CNTROB: variants seen among roughly 807,000 people sequenced by gnomAD.
CNTROB encodes the protein centrobin, centriole duplication and spindle assembly protein.
Under a neutral mutation model 115.7 loss-of-function variants are expected in CNTROB, and 82 were observed. The ratio of observed to expected loss-of-function variants is 0.71; its 90% confidence interval spans 0.59 to 0.85. CNTROB has a LOEUF of 0.85. CNTROB is among the 40% of genes least tolerant of loss of function. CNTROB has a pLI of 0.00. For missense variants in CNTROB, 1,014 were observed against 1,144.4 expected (o/e 0.89, Z 1.64); for synonymous variants, 439 against 456.4 (o/e 0.96, Z 0.49).
In CNTROB at chr17:7,942,335, G is replaced by C. The variant is rs758062637; in HGVS notation, c.1312-1056G>C. On this transcript the variant is annotated intron_variant, in intron 9 of 18. Coordinates refer to ENST00000563694, the MANE Select transcript of CNTROB (RefSeq NM_053051.5). Reference sequence around the variant, plus strand: ...TGAGTTCTTTGGGCCATGCGCGGTGGCTCACACCTGTAATCTCTTTGGGAG... The same window carrying C: ...TGAGTTCTTTGGGCCATGCGCGGTGCCTCACACCTGTAATCTCTTTGGGAG... 5.9e-5 allele frequency among the ~76,000 whole-genome samples: 9 copies of C among 152,092 alleles called. No individual in the cohort carries two copies. In the South Asian group the frequency reaches 1.0e-3, roughly 18 times the overall value.
In CNTROB at chr17:7,939,690, C is replaced by T. The variant is rs1296838718; in HGVS notation, c.1105C>T (p.Leu369Phe). Residue 369 changes from leucine (L) to phenylalanine (F), a missense_variant, in exon 8 of 19, where the codon CTT becomes TTT. Leu to Phe is a conservative substitution (Grantham distance 22, BLOSUM62 0). Coordinates refer to ENST00000563694, the MANE Select transcript of CNTROB (RefSeq NM_053051.5). This position sits in a 1 kb window ranked among gnomAD's most constrained non-coding sequence, Gnocchi z 4.4. The stretch of plus-strand genomic sequence containing the variant: ...GACCTGGGCCCAGCAAGAGCACCAG[C>T]TTAAGGAACACTACCAGGCGCTGCA... ...RQTWAQQEHQ[L>F]KEHYQALQEE... is the part of the protein sequence containing the mutation. 1.2e-6 allele frequency: 2 copies of T among 1,614,048 alleles called. No homozygotes were observed. Among genetic ancestry groups the T allele is most frequent in the Non-Finnish European group, 1.7e-6 (2 of 1,180,022 alleles).
rs115907527 is a variant in CNTROB, at chr17:7,946,536, C to T, written c.1993+550C>T. On this transcript the variant is annotated intron_variant, in intron 13 of 18. Coordinates refer to ENST00000563694, the MANE Select transcript of CNTROB (RefSeq NM_053051.5). ...TGTGATTTGAGTGGATGGGGGCATT[C>T]TGTGTGGTACAAACATGACAACCTA... is the stretch of plus-strand genomic sequence containing the variant. Among the ~76,000 whole-genome samples the T allele has an allele frequency of 4.2e-3, 644 of 152,246 alleles. 5 individuals are homozygous for T. Among genetic ancestry groups the T allele is most frequent in the African/African-American group, 0.015 (621 of 41,542 alleles).
rs758096795 is a variant in CNTROB at position 7,935,055 on chromosome 17, C to G, written c.504C>G (p.Arg168=). 112 of 1,614,112 alleles carry G rather than the reference C, an allele frequency of 6.9e-5. No homozygotes were observed. The highest frequency in any genetic ancestry group is 9.1e-5 in the Non-Finnish European group (107 of 1,180,054). ...SAQALEELFP[R]YTSLRPGPPL... ...AAGCCCTGGAGGAGCTGTTTCCCCG[C>G]TACACCAGCCTTCGGCCAGGGCCTC... Residue 168 remains arginine, a synonymous_variant, in exon 4 of 19, where the codon CGC becomes CGG. Coordinates refer to ENST00000563694, the MANE Select transcript of CNTROB (RefSeq NM_053051.5).
At chr17:7,938,001 G>GTTTTT (rs368082295) in intron 7 of CNTROB, among the ~76,000 whole-genome samples, 2,560 of 104,202 alleles carry the variant, frequency 0.025, 257 homozygotes, top group African/African-American at 0.084. Flanking sequence ...TTCTTTTCGT[G>GTTTTT]TTTTTTTTTT....
In CNTROB at chr17:7,943,666, GTC is replaced by G; in HGVS notation, c.1445+149_1445+150del. On this transcript the variant is annotated intron_variant, in intron 10 of 18. Coordinates refer to ENST00000563694, the MANE Select transcript of CNTROB (RefSeq NM_053051.5). This position sits in a 1 kb window ranked among gnomAD's most constrained non-coding sequence, Gnocchi z 4.7. ...CTAACTCCCATCAGCTGGGACCTGA[GTC>G]TCTCTCGGGAGGGCTGCCTTCACGC... The G allele has an allele frequency of 1.1e-6, 1 of 883,638 alleles. No individual in the cohort carries two copies. The highest frequency in any genetic ancestry group is 1.7e-6 in the Non-Finnish European group (1 of 604,070). The allele number at this position is 883,638 out of a possible 1,614,324, so 54.7% of individuals were successfully genotyped here.
Position 7,939,773 on chromosome 17 carries a change from T to C in CNTROB, c.1164+24T>C, listed in dbSNP as rs996292603. 1 of 1,605,354 alleles carries C rather than the reference T, an allele frequency of 6.2e-7. No homozygotes were observed. On this transcript the variant is annotated intron_variant, in intron 8 of 18. Transcript: ENST00000563694. This position sits in a 1 kb window ranked among gnomAD's most constrained non-coding sequence, Gnocchi z 4.4. ...AGGTAAAAGTGGCAGTTGGAAGAGCTGAGGAACTAGGGAGTAGATGAAGGG... is the reference window on the plus strand; with the variant it reads ...AGGTAAAAGTGGCAGTTGGAAGAGCCGAGGAACTAGGGAGTAGATGAAGGG...
intron 13 of CNTROB, among the ~76,000 whole-genome samples, chr17:7,946,869 T>C (rs1430522132): frequency 1.4e-5 from 2 of 145,124 alleles, no homozygotes; most frequent in African/African-American, 5.1e-5. Flanking sequence ...CTCTGTCTCT[T>C]AAAAAAAAAA....
Position 7,935,117 on chromosome 17 carries a change from C to T in CNTROB, c.566C>T (p.Ala189Val), listed in dbSNP as rs1450021540. 2.8e-5 allele frequency: 45 copies of T among 1,613,898 alleles called. No individual in the cohort carries two copies. The highest frequency in any genetic ancestry group is 3.8e-5 in the Non-Finnish European group (45 of 1,180,008). The change falls in exon 4 of 19, where the codon GCA becomes GTA. Residue 189 changes from alanine to valine, a missense_variant. Coordinates refer to ENST00000563694, the MANE Select transcript of CNTROB (RefSeq NM_053051.5). ...CCAGATTTTCAGGGGCTGAGAGATG[C>T]ATTGGATTCAGAGCATACCCGCCGC... ...NPPDFQGLRD[A>V]LDSEHTRRKH...
chr17:7,941,775 A>G (rs1326239552), intron 9 of CNTROB, among the ~76,000 whole-genome samples: 1 of 150,378 alleles, frequency 6.6e-6, no homozygotes, highest in Non-Finnish European at 1.5e-5. Context: ...ACCTGGGCGC[A>G]ATATGGCAGT....
chr17:7,934,986 C>A lies in CNTROB; in HGVS notation c.438-3C>A. Reference sequence around the variant, plus strand: ...CCTAACATTCTCTACCTGATTTGCTCAGCACCCGGCCCCTGCAAGACTTGT... The same window carrying A: ...CCTAACATTCTCTACCTGATTTGCTAAGCACCCGGCCCCTGCAAGACTTGT... On this transcript the variant is annotated splice_polypyrimidine_tract_variant and splice_region_variant and intron_variant, in intron 3 of 18. Coordinates refer to ENST00000563694, the MANE Select transcript of CNTROB (RefSeq NM_053051.5). 1.3e-6 allele frequency: 2 copies of A among 1,576,826 alleles called. No individual in the cohort carries two copies. Among genetic ancestry groups the A allele is most frequent in the Admixed American group, 1.9e-5 (1 of 53,348 alleles).
At position 7,949,164 on chromosome 17, in the gene CNTROB, G is replaced by A. The variant is rs924514345; in HGVS notation, c.2586+7G>A. 2.5e-6 allele frequency: 4 copies of A among 1,613,804 alleles called. No homozygotes were observed. The highest frequency in any genetic ancestry group is 3.4e-6 in the Non-Finnish European group (4 of 1,179,736). On this transcript the variant is annotated splice_region_variant and intron_variant, in intron 18 of 18. Transcript: ENST00000563694. The stretch of plus-strand genomic sequence containing the variant: ...TGAGATCCCCCGGAAAGAGGTGAGG[G>A]AAAGTCAGGCAGGGACCAGGGGAGA...
In CNTROB at chr17:7,935,076, G is replaced by T; in HGVS notation, c.525G>T (p.Gly175=). ...LFPRYTSLRP[G]PPLNPPDFQG... is the part of the protein sequence containing the mutation. The stretch of plus-strand genomic sequence containing the variant: ...CCCGCTACACCAGCCTTCGGCCAGG[G>T]CCTCCACTCAATCCCCCAGATTTTC... The change falls in exon 4 of 19, where the codon GGG becomes GGT. Residue 175 remains glycine (G), a synonymous_variant. Coordinates refer to ENST00000563694, the MANE Select transcript of CNTROB (RefSeq NM_053051.5). 6.2e-7 allele frequency: 1 copy of T among 1,614,098 alleles called. No individual in the cohort carries two copies. The highest frequency in any genetic ancestry group is 8.5e-7 in the Non-Finnish European group (1 of 1,180,038).
Position 7,949,903 on chromosome 17 carries a change from A to T in CNTROB, c.*393A>T, listed in dbSNP as rs1261834201. On this transcript the variant is annotated 3_prime_UTR_variant, in exon 19 of 19. Transcript: ENST00000563694. The stretch of plus-strand genomic sequence containing the variant: ...AAGTATATGTTACTTTAATAATCAG[A>T]ACAGACCCAAACTTTAATAAGAGTA... 3 of 160,306 alleles carry T rather than the reference A, an allele frequency of 1.9e-5. No homozygotes were observed. The highest frequency in any genetic ancestry group is 4.1e-5 in the Non-Finnish European group (3 of 73,698). The allele number at this position is 160,306 out of a possible 1,614,324, so 9.9% of individuals were successfully genotyped here.
rs929880102 is a variant in CNTROB, at chr17:7,948,842, G to C, written c.2513+223G>C. 6.9e-7 allele frequency: 1 copy of C among 1,457,930 alleles called. No individual in the cohort carries two copies. The highest frequency in any genetic ancestry group is 1.4e-5 in the African/African-American group (1 of 69,730). The allele number at this position is 1,457,930 out of a possible 1,614,324, so 90.3% of individuals were successfully genotyped here. A position where few individuals can be genotyped will look rare whatever the true frequency, so the allele number is the denominator to read the frequency against. ...TCTAAACAAAAAAATCTTTTCCCCGGGTCTCTCTACCTTCGTTTTTTTCCT... is the reference window on the plus strand; with the variant it reads ...TCTAAACAAAAAAATCTTTTCCCCGCGTCTCTCTACCTTCGTTTTTTTCCT... On this transcript the variant is annotated intron_variant, in intron 17 of 18. Coordinates refer to ENST00000563694, the MANE Select transcript of CNTROB (RefSeq NM_053051.5). The surrounding 1 kb of genome is among the most constrained non-coding windows in gnomAD (Gnocchi z 4.4).
At chr17:7,945,070 G>A (rs1278693310) in intron 12 of CNTROB, among the ~76,000 whole-genome samples, 6 of 152,178 alleles carry the variant, frequency 3.9e-5, no homozygotes, top group African/African-American at 7.2e-5. Flanking sequence ...CAAATGATAC[G>A]TGGTACTAGT....
intron 18 of CNTROB, 68 bp from the exon 19 acceptor site, chr17:7,949,317 C>T: frequency 6.2e-7 from 1 of 1,603,504 alleles, no homozygotes; most frequent in Non-Finnish European, 8.5e-7. Flanking sequence ...ACGTGCATTT[C>T]CTCAGTGGGG....
At chr17:7,941,975 A>T (rs1395809148) in intron 9 of CNTROB, among the ~76,000 whole-genome samples, 2 of 137,234 alleles carry the variant, frequency 1.5e-5, no homozygotes, top group African/African-American at 5.5e-5. Context: ...AAAAAAAAAA[A>T]GACAGAAAGG....
intron 13 of CNTROB, among the ~76,000 whole-genome samples, chr17:7,946,490 C>T (rs1304377688): frequency 1.3e-5 from 2 of 152,136 alleles, no homozygotes; most frequent in Non-Finnish European, 2.9e-5. Flanking sequence ...GTGTGGTGTC[C>T]ACCCCTAGTT....
At chr17:7,936,855 C>A in intron 6 of CNTROB, 38 bp downstream of exon 6, 2 of 876,614 alleles carry the variant, frequency 2.3e-6, no homozygotes, top group South Asian at 2.6e-5. Flanking sequence ...GAACCTGAGT[C>A]ACAGATCTCA....
Sources: gnomAD v4.1 joint callset for allele counts (sites outside exome capture counted in the v4.1 genomes callset) on GRCh38, gnomAD v4.1.1 for gene constraint, Gnocchi (gnomAD v3.1) non-coding constraint, MANE v1.5 for transcripts, NCBI Gene and HGNC (gene_info 2026-07-23, HGNC 2026-07-21) for gene names.